Variants in NOVA1 observed in about 807,000 individuals in gnomAD.
The protein encoded by NOVA1 is NOVA alternative splicing regulator 1, also known as RNA-binding protein Nova-1.
A neutral mutation model predicts 38.0 loss-of-function variants in NOVA1; 7 were observed. The ratio of observed to expected loss-of-function variants is 0.18; its 90% CI spans 0.10 to 0.35. NOVA1 has a LOEUF of 0.35. NOVA1 is among the 10% of genes least tolerant of loss of function. The pLI is 1.00. For synonymous variants in NOVA1, 270 were observed against 232.5 expected, an observed-to-expected ratio of 1.16 and a Z score of -1.47; for missense variants, 460 against 616.0, an observed-to-expected ratio of 0.75 and a Z score of 2.68.
At position 26,590,867 on chromosome 14, in the gene NOVA1, T is replaced by C. The variant is rs111988282; in HGVS notation, c.280+4543A>G. Among the ~76,000 whole-genome samples the C allele has an allele frequency of 1.4e-3, 206 of 151,876 alleles. 1 individual carries two copies. Among genetic ancestry groups the C allele is most frequent in the African/African-American group, 4.5e-3 (187 of 41,520 alleles). ...AAGCATCAAAAAGCAAATTTCAAAG[T>C]AGCATTATGTATATGATTCATGAAA... On this transcript the variant is annotated intron_variant, in intron 2 of 4. Transcript: ENST00000539517.
At chr14:26,588,256 A>G (rs1893649612) in intron 2 of NOVA1, 1 of 151,304 alleles carries the variant, frequency 6.6e-6, no homozygotes, top group Non-Finnish European at 1.5e-5. Context: ...CAGAAATTAG[A>G]AATATATTGA....
chr14:26,484,125 A>G lies in NOVA1; in HGVS notation c.281-3982T>C, dbSNP rs138948814. On this transcript the variant is annotated intron_variant, in intron 2 of 4. Coordinates refer to ENST00000539517, the MANE Select transcript of NOVA1 (RefSeq NM_002515.3). ...CATGACAAATCTTGATACTGTTGAT[A>G]TAGATGAAGGGTATAAAGAAATTAA... 1.8e-3 allele frequency among the ~76,000 whole-genome samples: 271 copies of G among 152,248 alleles called. 1 individual carries two copies. The highest frequency in any genetic ancestry group is 6.2e-3 in the African/African-American group (259 of 41,548).
intron 2 of NOVA1, among the ~76,000 whole-genome samples, chr14:26,497,097 G>A (rs1886869402): frequency 6.6e-6 from 1 of 152,156 alleles, no homozygotes; most frequent in Admixed American, 6.5e-5. Flanking sequence ...CTTCTGCAAA[G>A]TCTCAGGATA....
intron 2 of NOVA1, among the ~76,000 whole-genome samples, chr14:26,499,746 T>C (rs765835092): frequency 3.3e-5 from 5 of 152,146 alleles, no homozygotes; most frequent in East Asian, 3.9e-4. Flanking sequence ...TGTAGTGTTA[T>C]ATGGCTATGG....
intron 2 of NOVA1, among the ~76,000 whole-genome samples, chr14:26,488,376 T>C (rs1489344683): frequency 6.6e-6 from 1 of 152,204 alleles, no homozygotes; most frequent in Non-Finnish European, 1.5e-5. Context: ...TTGTCGTTCA[T>C]TCATTCTCTG....
intron 2 of NOVA1, among the ~76,000 whole-genome samples, chr14:26,520,713 T>G (rs540881723): frequency 2.6e-5 from 4 of 152,046 alleles, no homozygotes; most frequent in Non-Finnish European, 5.9e-5. Flanking sequence ...TAAATTTTAG[T>G]GAGGGGACAA....
At chr14:26,540,165 A>G (rs1890372014) in intron 2 of NOVA1, among the ~76,000 whole-genome samples, 1 of 152,102 alleles carries the variant, frequency 6.6e-6, no homozygotes, top group African/African-American at 2.4e-5. Context: ...TCCCTGACCT[A>G]TTAGGAGCCT....
At chr14:26,570,343 A>C (rs1287358638) in intron 2 of NOVA1, among the ~76,000 whole-genome samples, 1 of 151,914 alleles carries the variant, frequency 6.6e-6, no homozygotes, top group Non-Finnish European at 1.5e-5. Flanking sequence ...TGAGACTCCA[A>C]CTCAGAAAAT....
intron 2 of NOVA1, 103 bp from the exon 3 acceptor site, chr14:26,480,246 A>G: frequency 1.1e-6 from 1 of 912,424 alleles, no homozygotes; most frequent in Admixed American, 2.8e-5. Flanking sequence ...AAAATGCAGA[A>G]CTCTAACGTA....
At chr14:26,547,228 G>T (rs551936094) in intron 2 of NOVA1, among the ~76,000 whole-genome samples, 1 of 151,938 alleles carries the variant, frequency 6.6e-6, no homozygotes, top group East Asian at 1.9e-4. Context: ...CACAATTCTG[G>T]CCTTTCACAG....
chr14:26,449,012 T>C (rs762570533), intron 4 of NOVA1, 49 bp from the exon 5 acceptor site: 1 of 1,460,348 alleles, frequency 6.8e-7, no homozygotes, highest in African/African-American at 1.4e-5. Flanking sequence ...TTTGTGCATA[T>C]ACATTATATT....
intron 2 of NOVA1, among the ~76,000 whole-genome samples, chr14:26,580,858 C>T (rs1893172461): frequency 6.6e-6 from 1 of 151,822 alleles, no homozygotes; most frequent in African/African-American, 2.4e-5. Flanking sequence ...TAAATGTTGT[C>T]CTTTTTAGGG....
intron 2 of NOVA1, among the ~76,000 whole-genome samples, chr14:26,548,548 TA>T (rs199718271): frequency 5.3e-5 from 8 of 151,074 alleles, no homozygotes; most frequent in South Asian, 2.1e-4. Context: ...TACTATTGAC[TA>T]AAAAAAAACC....
intron 4 of NOVA1, among the ~76,000 whole-genome samples, chr14:26,463,715 T>C (rs929030748): frequency 6.6e-6 from 1 of 152,204 alleles, no homozygotes; most frequent in African/African-American, 2.4e-5. Flanking sequence ...ATTTCTTCCT[T>C]GCTTAAGTCA....
At chr14:26,486,724 C>CA (rs1885937274) in intron 2 of NOVA1, among the ~76,000 whole-genome samples, 4 of 83,722 alleles carry the variant, frequency 4.8e-5, no homozygotes, top group Non-Finnish European at 9.0e-5. Flanking sequence ...AAAAAAAAGC[C>CA]AAACAAACAA....
chr14:26,517,336 G>A (rs569004903), intron 2 of NOVA1, among the ~76,000 whole-genome samples: 42 of 152,066 alleles, frequency 2.8e-4, no homozygotes, highest in African/African-American at 8.0e-4. Flanking sequence ...ACAAAATACC[G>A]CTCCTCGGAC....
intron 2 of NOVA1, among the ~76,000 whole-genome samples, chr14:26,512,376 T>C (rs1336207288): frequency 6.6e-6 from 1 of 152,172 alleles, no homozygotes; most frequent in Admixed American, 6.5e-5. Flanking sequence ...TCTGAGGGAA[T>C]AGTTTAAAGC....
intron 2 of NOVA1, among the ~76,000 whole-genome samples, chr14:26,567,290 A>ATTTTT (rs372263187): frequency 3.0e-4 from 28 of 93,706 alleles, no homozygotes; most frequent in East Asian, 1.3e-3. Context: ...GTCTTGTTTA[A>ATTTTT]TTTTTTTTTT....
At chr14:26,449,010 T>A (rs772804434) in intron 4 of NOVA1, 47 bp from the exon 5 acceptor site, 10 of 1,481,854 alleles carry the variant, frequency 6.7e-6, no homozygotes, top group Admixed American at 4.3e-5. Flanking sequence ...GTTTTGTGCA[T>A]ATACATTATA....
Sources: allele counts gnomAD v4.1 joint callset (sites outside exome capture counted in the v4.1 genomes callset), GRCh38; gene constraint gnomAD v4.1.1; transcripts MANE v1.5; gene names NCBI Gene and HGNC (gene_info 2026-07-23, HGNC 2026-07-21).